BICD1: variants seen among roughly 807,000 people sequenced by gnomAD.
The protein encoded by BICD1 is BICD cargo adaptor 1.
A neutral mutation model predicts 92.5 loss-of-function variants in BICD1; 35 were observed. The observed-to-expected ratio is 0.38, with a 90% CI of 0.29 to 0.50. BICD1 has a LOEUF of 0.50. Among genes scored for constraint, BICD1 ranks in the 20% least tolerant of loss-of-function variants. The probability of loss-of-function intolerance (pLI) is 0.93; values close to 1 mark genes in which losing one functional copy is unlikely to be tolerated. For synonymous variants in BICD1, 429 were observed against 465.1 expected, an observed-to-expected ratio of 0.92 and a Z score of 1.00; for missense variants, 950 against 1,189.8, an observed-to-expected ratio of 0.80 and a Z score of 2.97.
At chr12:32,300,827 A>G (rs1011345854) in intron 3 of BICD1, among the ~76,000 whole-genome samples, 27 of 135,144 alleles carry the variant, frequency 2.0e-4, no homozygotes, top group African/African-American at 7.6e-4. Context: ...TTTTTTTTGT[A>G]TTTTTAGTAG....
At chr12:32,339,297 C>A (rs1018045597) in intron 8 of BICD1, 15 of 1,041,454 alleles carry the variant, frequency 1.4e-5, no homozygotes, top group African/African-American at 1.4e-4. Context: ...TAGCTCATGG[C>A]GATTCCATCT....
chr12:32,362,194 T>C (rs1939355978), intron 8 of BICD1, among the ~76,000 whole-genome samples: 1 of 152,226 alleles, frequency 6.6e-6, no homozygotes, highest in African/African-American at 2.4e-5. Flanking sequence ...ACCCCATCTC[T>C]ACTAAAATTA....
chr12:32,206,333 CA>C (rs1346057377), intron 1 of BICD1, among the ~76,000 whole-genome samples: 3 of 152,212 alleles, frequency 2.0e-5, no homozygotes, highest in Admixed American at 6.5e-5. Flanking sequence ...AGGCCGGGAG[CA>C]GGGGCTCATG....
chr12:32,227,075 A>C (rs1243404551), intron 2 of BICD1, among the ~76,000 whole-genome samples: 2 of 152,194 alleles, frequency 1.3e-5, no homozygotes, highest in Non-Finnish European at 1.5e-5. Flanking sequence ...TGGACTGTGA[A>C]GGAGGAGGTG....
chr12:32,314,959 A>G (rs1948462225), intron 4 of BICD1, among the ~76,000 whole-genome samples: 1 of 152,070 alleles, frequency 6.6e-6, no homozygotes, highest in Non-Finnish European at 1.5e-5. Context: ...AAAACTTTTT[A>G]ATCTTGATGT....
At chr12:32,375,067 C>T (rs542566488) in intron 9 of BICD1, among the ~76,000 whole-genome samples, 2 of 148,988 alleles carry the variant, frequency 1.3e-5, no homozygotes, top group East Asian at 2.1e-4. Flanking sequence ...TACAGGCGCC[C>T]GCCACCACGC....
chr12:32,287,252 A>C (rs1565643358), intron 2 of BICD1, among the ~76,000 whole-genome samples: 1 of 152,214 alleles, frequency 6.6e-6, no homozygotes, highest in Non-Finnish European at 1.5e-5. Context: ...TCTCAGTAGT[A>C]CTAGTAGCAC....
At chr12:32,323,991 A>G (rs1185272833) in intron 4 of BICD1, among the ~76,000 whole-genome samples, 1 of 152,180 alleles carries the variant, frequency 6.6e-6, no homozygotes, top group Non-Finnish European at 1.5e-5. Context: ...TTAACCTTTT[A>G]TTTCTTTGTA....
intron 1 of BICD1, among the ~76,000 whole-genome samples, chr12:32,156,931 A>G (rs1452831325): frequency 2.0e-5 from 3 of 152,224 alleles, no homozygotes; most frequent in African/African-American, 4.8e-5. Flanking sequence ...TGTTTTTCAT[A>G]TATATATGTA....
intron 2 of BICD1, among the ~76,000 whole-genome samples, chr12:32,218,375 C>T (rs975534505): frequency 1.3e-5 from 2 of 152,136 alleles, no homozygotes; most frequent in African/African-American, 4.8e-5. Context: ...ACACGGGGCC[C>T]CCTCGCAGAG....
Position 32,296,246 on chromosome 12 carries a change from G to GTTTTTTTTTT in BICD1, c.579+2109_579+2110insTTTTTTTTTT. On this transcript the variant is annotated intron_variant, in intron 3 of 9. Coordinates refer to ENST00000652176, the MANE Select transcript of BICD1 (RefSeq NM_001714.4). The stretch of plus-strand genomic sequence containing the variant: ...CGAATACTTTTTAAAATAAGAAGGG[G>GTTTTTTTTTT]TTTTTTTTTGTTTTTTTTTTTTTTT... Among the ~76,000 whole-genome samples, 2 of 108,610 alleles carry GTTTTTTTTTT rather than the reference G, an allele frequency of 1.8e-5. 1 individual carries two copies. Among genetic ancestry groups the GTTTTTTTTTT allele is most frequent in the Non-Finnish European group, 3.5e-5 (2 of 56,844 alleles). 71.3% of individuals were successfully genotyped at this position (108,610 alleles called of 152,430 possible).
chr12:32,339,524 C>T (rs181720049), intron 8 of BICD1: 1 of 985,354 alleles, frequency 1.0e-6, no homozygotes, highest in Admixed American at 6.1e-5. Context: ...TGCAGGCCCC[C>T]CACTGGTTAA....
intron 1 of BICD1, among the ~76,000 whole-genome samples, chr12:32,197,768 G>A (rs1218707105): frequency 6.6e-6 from 1 of 152,166 alleles, no homozygotes; most frequent in Non-Finnish European, 1.5e-5. Flanking sequence ...CAGAAAGGGG[G>A]TTTCACCCAG....
At chr12:32,247,025 G>A (rs1592549980) in intron 2 of BICD1, among the ~76,000 whole-genome samples, 1 of 151,988 alleles carries the variant, frequency 6.6e-6, no homozygotes, top group African/African-American at 2.4e-5. Flanking sequence ...GGGAGACTGA[G>A]GTGGGTGGAT....
At chr12:32,111,720 G>GC (rs1416433001) in intron 1 of BICD1, among the ~76,000 whole-genome samples, 2 of 151,724 alleles carry the variant, frequency 1.3e-5, no homozygotes, top group Non-Finnish European at 2.9e-5. Flanking sequence ...CCATTCTCCT[G>GC]CCTCAGCCTC....
chr12:32,195,090 CAAAA>C (rs3043308), intron 1 of BICD1, among the ~76,000 whole-genome samples: 2 of 117,428 alleles, frequency 1.7e-5, no homozygotes, highest in Non-Finnish European at 3.4e-5. Flanking sequence ...AGAGTGAGAC[CAAAA>C]AAAAAAAAAA....
rs1245776929 is a variant in BICD1, at chr12:32,293,387, G to A, written c.427-607G>A. ...GGCTGGAGTGAAGTGGCCTGATCTCGGCTCACTGCAACCTCCGCATCCCAG... is the reference window on the plus strand; with the variant it reads ...GGCTGGAGTGAAGTGGCCTGATCTCAGCTCACTGCAACCTCCGCATCCCAG... On this transcript the variant is annotated intron_variant, in intron 2 of 9. Coordinates refer to ENST00000652176, the MANE Select transcript of BICD1 (RefSeq NM_001714.4). Among the ~76,000 whole-genome samples, 4 of 151,806 alleles carry A rather than the reference G, an allele frequency of 2.6e-5. 1 individual carries two copies. Among genetic ancestry groups the A allele is most frequent in the Admixed American group, 1.3e-4 (2 of 15,222 alleles).
chr12:32,210,978 A>C (rs1383176071), intron 1 of BICD1, among the ~76,000 whole-genome samples: 1 of 152,218 alleles, frequency 6.6e-6, no homozygotes, highest in Non-Finnish European at 1.5e-5. Flanking sequence ...AGTCGGGTAA[A>C]TCAGCTTTAA....
At chr12:32,188,878 C>T (rs1289036087) in intron 1 of BICD1, among the ~76,000 whole-genome samples, 1 of 152,102 alleles carries the variant, frequency 6.6e-6, no homozygotes, top group Non-Finnish European at 1.5e-5. Context: ...CAGGCGCCCA[C>T]TACCATGCCT....
Sources: allele counts gnomAD v4.1 joint callset (sites outside exome capture counted in the v4.1 genomes callset), GRCh38; gene constraint gnomAD v4.1.1; transcripts MANE v1.5; gene names NCBI Gene and HGNC (gene_info 2026-07-23, HGNC 2026-07-21).